ATP8A1: variants seen among roughly 807,000 people sequenced by gnomAD.
ATP8A1 encodes the protein ATPase phospholipid transporting 8A1.
In ATP8A1, 90 loss-of-function variants were observed where a neutral mutation model predicts 177.7. That is an observed-to-expected ratio of 0.51 (90% CI 0.43 to 0.60). The LOEUF (loss-of-function observed/expected upper bound fraction) is 0.60, where lower values mean the gene tolerates loss of function less well. Ranked by LOEUF, ATP8A1 falls within the 20% of genes least tolerant of loss-of-function variation. The pLI is 0.00. For synonymous variants in ATP8A1, 493 were observed against 485.9 expected (o/e 1.01, Z -0.19); for missense variants, 1,072 against 1,392.8 (o/e 0.77, Z 3.67).
At chr4:42,589,120 C>T (rs1287004314) in intron 7 of ATP8A1, among the ~76,000 whole-genome samples, 2 of 152,308 alleles carry the variant, frequency 1.3e-5, no homozygotes, top group East Asian at 3.9e-4. Context: ...AGTTTTATCA[C>T]ACCACCACAG....
intron 30 of ATP8A1, among the ~76,000 whole-genome samples, chr4:42,449,676 C>T (rs558797906): frequency 1.3e-5 from 2 of 152,286 alleles, no homozygotes; most frequent in South Asian, 2.1e-4. Flanking sequence ...TTATGCTAAA[C>T]GTCAATTCAC....
intron 4 of ATP8A1, among the ~76,000 whole-genome samples, chr4:42,620,051 C>T (rs967243169): frequency 7.9e-5 from 12 of 152,200 alleles, no homozygotes; most frequent in Non-Finnish European, 1.5e-4. Flanking sequence ...ATTACCAGCA[C>T]AGCAAAAGTT....
At chr4:42,455,164 C>A in intron 29 of ATP8A1, 133 bp downstream of exon 29, 1 of 1,129,200 alleles carries the variant, frequency 8.9e-7, no homozygotes, top group Non-Finnish European at 1.2e-6. Context: ...AGAAATATGA[C>A]TTGCCATAGT....
At chr4:42,460,830 T>A (rs1268467409) in intron 27 of ATP8A1, among the ~76,000 whole-genome samples, 1 of 152,074 alleles carries the variant, frequency 6.6e-6, no homozygotes. Flanking sequence ...GAGAATGAGG[T>A]TTTCTTAACA....
rs1230198524 is a variant in ATP8A1, at chr4:42,524,748, C to T, written c.1807+15G>A. ...TTTGTATTTTAATCATGCTTTATTGCCAAATTACACTTACCTTCTGTAGCA... is the reference window on the plus strand; with the variant it reads ...TTTGTATTTTAATCATGCTTTATTGTCAAATTACACTTACCTTCTGTAGCA... On this transcript the variant is annotated intron_variant, in intron 21 of 36. Coordinates refer to ENST00000381668, the MANE Select transcript of ATP8A1 (RefSeq NM_006095.2). The T allele has an allele frequency of 6.4e-7, 1 of 1,557,064 alleles. No homozygotes were observed. The highest frequency in any genetic ancestry group is 1.4e-5 in the African/African-American group (1 of 73,710).
intron 20 of ATP8A1, among the ~76,000 whole-genome samples, chr4:42,525,770 C>T (rs1019673506): frequency 6.6e-6 from 1 of 152,102 alleles, no homozygotes; most frequent in African/African-American, 2.4e-5. Flanking sequence ...TGGTATTACC[C>T]ATTTTGGGGT....
At chr4:42,511,382 T>C (rs1724990337) in intron 22 of ATP8A1, among the ~76,000 whole-genome samples, 1 of 152,178 alleles carries the variant, frequency 6.6e-6, no homozygotes, top group Non-Finnish European at 1.5e-5. Context: ...GAATTACATA[T>C]TCAGCAAGTG....
intron 4 of ATP8A1, 44 bp downstream of exon 4, chr4:42,624,492 A>G: frequency 9.1e-7 from 1 of 1,100,006 alleles, no homozygotes; most frequent in Non-Finnish European, 1.3e-6. Context: ...AAGCATATAT[A>G]AATAACAAAG....
intron 1 of ATP8A1, among the ~76,000 whole-genome samples, chr4:42,633,727 A>C (rs113359201): frequency 1.3e-5 from 2 of 152,228 alleles, no homozygotes; most frequent in African/African-American, 4.8e-5. Context: ...AATGCCTGGC[A>C]CGTAGTAAGA....
At chr4:42,451,737 ACT>A (rs1717952637) in intron 30 of ATP8A1, among the ~76,000 whole-genome samples, 1 of 152,162 alleles carries the variant, frequency 6.6e-6, no homozygotes, top group African/African-American at 2.4e-5. Flanking sequence ...CTAAAATTTA[ACT>A]CTCTGCAAGT....
intron 4 of ATP8A1, among the ~76,000 whole-genome samples, chr4:42,622,600 A>C (rs1737592540): frequency 6.6e-6 from 1 of 152,214 alleles, no homozygotes; most frequent in African/African-American, 2.4e-5. Flanking sequence ...ACAACAGAGT[A>C]AACAGACAAC....
At chr4:42,490,811 C>T (rs1722670240) in intron 24 of ATP8A1, among the ~76,000 whole-genome samples, 1 of 152,194 alleles carries the variant, frequency 6.6e-6, no homozygotes, top group Non-Finnish European at 1.5e-5. Flanking sequence ...CAGGTGACAT[C>T]AATACCTCTA....
At chr4:42,589,643 T>C (rs911687640) in intron 7 of ATP8A1, among the ~76,000 whole-genome samples, 8 of 152,306 alleles carry the variant, frequency 5.3e-5, no homozygotes, top group African/African-American at 1.9e-4. Flanking sequence ...CTATAACTTA[T>C]TCAAAATTTT....
intron 15 of ATP8A1, among the ~76,000 whole-genome samples, chr4:42,557,172 A>G (rs1007767681): frequency 2.0e-5 from 3 of 152,202 alleles, no homozygotes; most frequent in Non-Finnish European, 4.4e-5. Context: ...TCCAAATCGT[A>G]AGAAAATACA....
At chr4:42,585,787 A>G (rs1197120809) in intron 9 of ATP8A1, among the ~76,000 whole-genome samples, 1 of 151,896 alleles carries the variant, frequency 6.6e-6, no homozygotes, top group Non-Finnish European at 1.5e-5. Flanking sequence ...TGAATGAGGG[A>G]AGGGGTAGAA....
intron 4 of ATP8A1, among the ~76,000 whole-genome samples, chr4:42,620,283 C>G (rs1319986666): frequency 6.6e-6 from 1 of 152,192 alleles, no homozygotes; most frequent in Admixed American, 6.5e-5. Context: ...TCTTGCTAAA[C>G]TACTCTTACA....
chr4:42,481,722 G>A (rs772356282), intron 25 of ATP8A1, among the ~76,000 whole-genome samples: 7 of 152,156 alleles, frequency 4.6e-5, no homozygotes, highest in Non-Finnish European at 1.0e-4. Flanking sequence ...CAGTGAGTCT[G>A]TAAAACCCCT....
chr4:42,633,386 G>A (rs987956176), intron 1 of ATP8A1, among the ~76,000 whole-genome samples: 31 of 152,224 alleles, frequency 2.0e-4, no homozygotes, highest in African/African-American at 5.1e-4. Context: ...TTTTTCATCC[G>A]AAATATCATG....
chr4:42,609,936 T>C (rs1486993761), intron 5 of ATP8A1, among the ~76,000 whole-genome samples: 5 of 152,176 alleles, frequency 3.3e-5, no homozygotes, highest in Admixed American at 1.3e-4. Flanking sequence ...CTGTCCCTCA[T>C]TGTTTCATGA....
Sources: gnomAD v4.1 joint callset for allele counts (sites outside exome capture counted in the v4.1 genomes callset) on GRCh38, gnomAD v4.1.1 for gene constraint, MANE v1.5 for transcripts, NCBI Gene and HGNC (gene_info 2026-07-23, HGNC 2026-07-21) for gene names.